The following CADM1 variants were observed in gnomAD, a reference collection of about 807,000 sequenced individuals.
The protein encoded by CADM1 is TSLC-1.
A neutral mutation model predicts 53.1 loss-of-function variants in CADM1; 15 were observed. The ratio of observed to expected loss-of-function variants is 0.28; its 90% CI spans 0.19 to 0.44. The LOEUF is 0.44. Among genes scored for constraint, CADM1 ranks in the 20% least tolerant of loss-of-function variants. CADM1 has a pLI of 1.00. For synonymous variants in CADM1, 281 were observed against 243.0 expected (o/e 1.16, Z -1.45); for missense variants, 434 against 611.3 (o/e 0.71, Z 3.06).
Position 115,175,201 on chromosome 11 carries a change from G to A in CADM1, c.*1273C>T, listed in dbSNP as rs1461650182. The A allele has an allele frequency of 2.0e-6, 2 of 985,704 alleles. No individual in the cohort carries two copies. Among genetic ancestry groups the A allele is most frequent in the Non-Finnish European group, 2.4e-6 (2 of 829,926 alleles). 61.1% of individuals were successfully genotyped at this position (985,704 alleles called of 1,614,324 possible). A position where few individuals can be genotyped will look rare whatever the true frequency, so the allele number is the denominator to read the frequency against. ...CTATCGAGAACTGAGAGCGACAGCAGACCAGTGTGAGAACAATACCAGCCC... is the reference window on the plus strand; with the variant it reads ...CTATCGAGAACTGAGAGCGACAGCAAACCAGTGTGAGAACAATACCAGCCC... On this transcript the variant is annotated 3_prime_UTR_variant, in exon 12 of 12. Coordinates refer to ENST00000331581, the MANE Select transcript of CADM1 (RefSeq NM_001301043.2).
At chr11:115,393,570 A>AC (rs1946901551) in intron 1 of CADM1, among the ~76,000 whole-genome samples, 1 of 151,344 alleles carries the variant, frequency 6.6e-6, no homozygotes, top group Non-Finnish European at 1.5e-5. Flanking sequence ...AAAAAAAAAA[A>AC]CATAGAGGTA....
intron 9 of CADM1, among the ~76,000 whole-genome samples, chr11:115,192,077 CA>C (rs1405382528): frequency 6.6e-6 from 1 of 152,204 alleles, no homozygotes; most frequent in Admixed American, 6.5e-5. Flanking sequence ...GCAACCAAAA[CA>C]AATGCTTTTG....
rs160604 is a variant in CADM1, at chr11:115,447,872, C to A, written c.124+56399G>T. Among the ~76,000 whole-genome samples, 456 of 152,334 alleles carry A rather than the reference C, an allele frequency of 3.0e-3. 1 individual carries two copies. The highest frequency in any genetic ancestry group is 1.0e-2 in the African/African-American group (414 of 41,584). ...AGCCATAGCTGTGTCCTCTCCAATA[C>A]TACCTGGATCTCAGCTTGGGAAAGG... On this transcript the variant is annotated intron_variant, in intron 1 of 11. Coordinates refer to ENST00000331581, the MANE Select transcript of CADM1 (RefSeq NM_001301043.2).
At chr11:115,312,086 C>T (rs1371050237) in intron 1 of CADM1, among the ~76,000 whole-genome samples, 3 of 151,976 alleles carry the variant, frequency 2.0e-5, no homozygotes, top group African/African-American at 7.3e-5. Flanking sequence ...CAGTCTGGTA[C>T]AGAAGAGAGA....
At chr11:115,476,608 C>T (rs866245044) in intron 1 of CADM1, among the ~76,000 whole-genome samples, 1 of 152,232 alleles carries the variant, frequency 6.6e-6, no homozygotes, top group Middle Eastern at 3.4e-3. Flanking sequence ...TTCTGTAGGG[C>T]ATAATTTACA....
intron 9 of CADM1, among the ~76,000 whole-genome samples, chr11:115,196,743 G>A (rs1940177218): frequency 1.3e-5 from 2 of 151,906 alleles, no homozygotes; most frequent in South Asian, 2.1e-4. Flanking sequence ...ATTTTACCTT[G>A]TAGTTAATTA....
chr11:115,347,329 T>G (rs112108108), intron 1 of CADM1, among the ~76,000 whole-genome samples: 6 of 152,320 alleles, frequency 3.9e-5, no homozygotes, highest in African/African-American at 1.4e-4. Flanking sequence ...TTAATGAGAC[T>G]GACATAAAGC....
At chr11:115,274,651 G>A (rs377193355) in intron 1 of CADM1, among the ~76,000 whole-genome samples, 3 of 152,206 alleles carry the variant, frequency 2.0e-5, no homozygotes, top group Non-Finnish European at 4.4e-5. Flanking sequence ...GCTCTTGAAC[G>A]TGTAGTAAAG....
intron 7 of CADM1, among the ~76,000 whole-genome samples, chr11:115,212,966 C>T (rs1261321205): frequency 6.6e-6 from 1 of 152,190 alleles, no homozygotes; most frequent in East Asian, 1.9e-4. Context: ...ATCAAACCCA[C>T]AAAATGTTTC....
intron 1 of CADM1, among the ~76,000 whole-genome samples, chr11:115,500,301 GACACAC>G (rs145273487): frequency 7.3e-5 from 11 of 150,948 alleles, no homozygotes; most frequent in Non-Finnish European, 1.6e-4. Flanking sequence ...GCTAAAAACA[GACACAC>G]ACACACACAC....
chr11:115,191,307 G>A (rs960981799), intron 9 of CADM1, among the ~76,000 whole-genome samples: 2 of 152,148 alleles, frequency 1.3e-5, no homozygotes, highest in African/African-American at 4.8e-5. Context: ...ACATACTGAT[G>A]TATGTACATT....
At chr11:115,404,603 A>G (rs1278480446) in intron 1 of CADM1, among the ~76,000 whole-genome samples, 1 of 150,066 alleles carries the variant, frequency 6.7e-6, no homozygotes, top group African/African-American at 2.4e-5. Context: ...AACAAAAAAT[A>G]ACATAAATAA....
At chr11:115,228,200 G>A (rs972250402) in intron 5 of CADM1, among the ~76,000 whole-genome samples, 6 of 152,188 alleles carry the variant, frequency 3.9e-5, no homozygotes, top group African/African-American at 7.2e-5. Flanking sequence ...GTGGTGGGAG[G>A]GGGTGTGGTC....
intron 8 of CADM1, 100 bp from the exon 9 acceptor site, chr11:115,198,538 G>A: frequency 1.2e-6 from 1 of 857,268 alleles, no homozygotes; most frequent in South Asian, 1.4e-5. Flanking sequence ...TAATATATGA[G>A]CAAGCTTTCA....
intron 1 of CADM1, among the ~76,000 whole-genome samples, chr11:115,469,942 G>C (rs1948978411): frequency 6.6e-6 from 1 of 152,022 alleles, no homozygotes; most frequent in Admixed American, 6.6e-5. Context: ...CAAATTGCTG[G>C]GATTACAGGT....
At chr11:115,300,537 T>C (rs1944191608) in intron 1 of CADM1, among the ~76,000 whole-genome samples, 2 of 152,146 alleles carry the variant, frequency 1.3e-5, no homozygotes. Flanking sequence ...TTCTTAAGCA[T>C]ATATATCACA....
At chr11:115,422,572 T>C (rs900201621) in intron 1 of CADM1, among the ~76,000 whole-genome samples, 1 of 152,194 alleles carries the variant, frequency 6.6e-6, no homozygotes, top group Non-Finnish European at 1.5e-5. Flanking sequence ...ACCAAGTCAG[T>C]TGTAGAAGCT....
intron 9 of CADM1, among the ~76,000 whole-genome samples, chr11:115,193,238 T>G (rs1193241542): frequency 6.6e-6 from 1 of 152,232 alleles, no homozygotes; most frequent in Non-Finnish European, 1.5e-5. Flanking sequence ...GGAAATTACT[T>G]CTTGTGTATT....
At chr11:115,430,809 T>G (rs531320254) in intron 1 of CADM1, among the ~76,000 whole-genome samples, 1 of 152,166 alleles carries the variant, frequency 6.6e-6, no homozygotes, top group Non-Finnish European at 1.5e-5. Flanking sequence ...CCAGATAAAA[T>G]AAATTACTCT....
Sources: allele counts gnomAD v4.1 joint callset (sites outside exome capture counted in the v4.1 genomes callset), GRCh38; gene constraint gnomAD v4.1.1; transcripts MANE v1.5; gene names NCBI Gene and HGNC (gene_info 2026-07-23, HGNC 2026-07-21).